Variants in POU3F2 observed in about 807,000 individuals in gnomAD.
POU3F2 encodes POU domain, class 3, transcription factor 2.
Under a neutral mutation model 33.1 loss-of-function variants are expected in POU3F2, and 11 were observed. The observed-to-expected ratio is 0.33, with a 90% confidence interval of 0.21 to 0.55. The LOEUF (loss-of-function observed/expected upper bound fraction) is 0.55, where lower values mean the gene tolerates loss of function less well. POU3F2 is among the 20% of genes least tolerant of loss of function. The pLI, the probability that POU3F2 is intolerant of heterozygous loss-of-function variation, is 0.91. For synonymous variants in POU3F2, 332 were observed against 289.6 expected (o/e 1.15, Z -1.49); for missense variants, 456 against 620.2 (o/e 0.74, Z 2.81).
Position 98,835,576 on chromosome 6 carries a change from C to G in POU3F2, c.703C>G (p.Pro235Ala), listed in dbSNP as rs749945303. ...ADHHPHPHSHPHQQPPPPPPP... is the reference protein window; with the variant it reads ...ADHHPHPHSHAHQQPPPPPPP... Reference sequence around the variant, plus strand: ...CCACCACCCGCACCCGCACTCGCACCCACACCAGCAGCCGCCGCCCCCGCC... The same window carrying G: ...CCACCACCCGCACCCGCACTCGCACGCACACCAGCAGCCGCCGCCCCCGCC... The change falls in exon 1 of 1, where the codon CCA becomes GCA. Residue 235 changes from proline to alanine, a missense_variant. Around this residue, in one of 6 missense-constraint regions of POU3F2, gnomAD observed 341 missense variants for 382.4 expected, o/e 0.89. Transcript: ENST00000328345. The surrounding 1 kb of genome is among the most constrained non-coding windows in gnomAD (Gnocchi z 9.7). The G allele has an allele frequency of 6.2e-6, 10 of 1,600,254 alleles. No homozygotes were observed. Among genetic ancestry groups the G allele is most frequent in the Middle Eastern group, 3.4e-4 (2 of 5,928 alleles).
In POU3F2 at chr6:98,836,445, G is replaced by C; in HGVS notation, c.*240G>C. 2.1e-6 allele frequency: 1 copy of C among 478,848 alleles called. No individual in the cohort carries two copies. The allele number at this position is 478,848 out of a possible 1,614,324, so 29.7% of individuals were successfully genotyped here. On this transcript the variant is annotated 3_prime_UTR_variant, in exon 1 of 1. Coordinates refer to ENST00000328345, the MANE Select transcript of POU3F2 (RefSeq NM_005604.4). The stretch of plus-strand genomic sequence containing the variant: ...TTGACCTTTGCAGGCGAGTAACCAG[G>C]CAATGGAGTGGAGTGTCTCCTGGAG...
At position 98,838,921 on chromosome 6, in the gene POU3F2, T is replaced by C. The variant is rs1038920422; in HGVS notation, c.*2716T>C. The C allele has an allele frequency of 5.3e-5, 8 of 152,248 alleles. No individual in the cohort carries two copies. Among genetic ancestry groups the C allele is most frequent in the African/African-American group, 1.9e-4 (8 of 41,450 alleles). 9.4% of individuals were successfully genotyped at this position (152,248 alleles called of 1,614,324 possible). A position where few individuals can be genotyped will look rare whatever the true frequency, so the allele number is the denominator to read the frequency against. ...TTGTGTGTAAAACACTTCCCTTCCT[T>C]TATACTTCATAAAGTTTTGGAATAA... On this transcript the variant is annotated 3_prime_UTR_variant, in exon 1 of 1. Transcript: ENST00000328345.
Position 98,835,257 on chromosome 6 carries a change from TCAG to T in POU3F2, c.393_395del (p.Gln149del), listed in dbSNP as rs1335270456. The T allele has an allele frequency of 6.5e-7, 1 of 1,542,210 alleles. No homozygotes were observed. Among genetic ancestry groups the T allele is most frequent in the East Asian group, 2.5e-5 (1 of 40,176 alleles). Reference sequence around the variant, plus strand: ...GGCCAGGCGCCCTGCAGCAGCAGCATCAGCAGCAGCAACAGCAACAGCAGCAGC... The same window carrying T: ...GGCCAGGCGCCCTGCAGCAGCAGCATCAGCAGCAACAGCAACAGCAGCAGC... On this transcript the variant is annotated inframe_deletion, in exon 1 of 1. Transcript: ENST00000328345. The surrounding 1 kb of genome is among the most constrained non-coding windows in gnomAD (Gnocchi z 9.7).
At position 98,838,172 on chromosome 6, in the gene POU3F2, C is replaced by T. The variant is rs1770026079; in HGVS notation, c.*1967C>T. 6.0e-6 allele frequency: 1 copy of T among 167,016 alleles called. No individual in the cohort carries two copies. Among genetic ancestry groups the T allele is most frequent in the Non-Finnish European group, 1.5e-5 (1 of 68,124 alleles). 10.3% of individuals were successfully genotyped at this position (167,016 alleles called of 1,614,324 possible). A position where few individuals can be genotyped will look rare whatever the true frequency, so the allele number is the denominator to read the frequency against. On this transcript the variant is annotated 3_prime_UTR_variant, in exon 1 of 1. Coordinates refer to ENST00000328345, the MANE Select transcript of POU3F2 (RefSeq NM_005604.4). ...TTTATTTGCCTGTATTTCATTTCCC[C>T]CAATGAATGTCACAAGGAGATGGGC...
chr6:98,834,603 G>T lies in POU3F2; in HGVS notation c.-271G>T. The T allele has an allele frequency of 2.0e-6, 1 of 488,792 alleles. No individual in the cohort carries two copies. Among genetic ancestry groups the T allele is most frequent in the Non-Finnish European group, 3.7e-6 (1 of 270,890 alleles). 30.3% of individuals were successfully genotyped at this position (488,792 alleles called of 1,614,324 possible). A position where few individuals can be genotyped will look rare whatever the true frequency, so the allele number is the denominator to read the frequency against. On this transcript the variant is annotated 5_prime_UTR_variant, in exon 1 of 1. Transcript: ENST00000328345. ...AGCTGGAGAGAGCAGGGAGAGGGGGGAGCGCCGAGCTAGTCAGAGAGTGAG... is the reference window on the plus strand; with the variant it reads ...AGCTGGAGAGAGCAGGGAGAGGGGGTAGCGCCGAGCTAGTCAGAGAGTGAG...
rs1393005344 is a variant in POU3F2, at chr6:98,836,485, G to A, written c.*280G>A. The A allele has an allele frequency of 8.8e-6, 3 of 341,276 alleles. No individual in the cohort carries two copies. Among genetic ancestry groups the A allele is most frequent in the Non-Finnish European group, 1.6e-5 (3 of 182,712 alleles). 21.1% of individuals were successfully genotyped at this position (341,276 alleles called of 1,614,324 possible). A position where few individuals can be genotyped will look rare whatever the true frequency, so the allele number is the denominator to read the frequency against. ...GTCTCCTGGAGAGAGTGAGGAGAGT[G>A]TGTGATAGCTAGAAAGAGAGAGAGA... is the stretch of plus-strand genomic sequence containing the variant. On this transcript the variant is annotated 3_prime_UTR_variant, in exon 1 of 1. Transcript: ENST00000328345.
Position 98,835,622 on chromosome 6 carries a change from G to T in POU3F2, c.749G>T (p.Gly250Val). ...PPPPPPQGPP[G>V]HPGAHHDPHS... The stretch of plus-strand genomic sequence containing the variant: ...CCGCCGCCCCCGCAGGGTCCGCCTG[G>T]CCACCCAGGCGCGCACCACGACCCG... The change falls in exon 1 of 1, where the codon GGC (glycine) becomes GTC (valine). Residue 250 changes from glycine to valine, a missense_variant. Around this residue, in one of 6 missense-constraint regions of POU3F2, gnomAD observed 341 missense variants for 382.4 expected, o/e 0.89. Coordinates refer to ENST00000328345, the MANE Select transcript of POU3F2 (RefSeq NM_005604.4). The surrounding 1 kb of genome is among the most constrained non-coding windows in gnomAD (Gnocchi z 9.7). 6.2e-7 allele frequency: 1 copy of T among 1,612,080 alleles called. No homozygotes were observed. The highest frequency in any genetic ancestry group is 8.5e-7 in the Non-Finnish European group (1 of 1,179,562).
chr6:98,835,241 C>T lies in POU3F2; in HGVS notation c.368C>T (p.Ala123Val), dbSNP rs1471287751. The T allele has an allele frequency of 6.5e-6, 10 of 1,539,464 alleles. No individual in the cohort carries two copies. Among genetic ancestry groups the T allele is most frequent in the Non-Finnish European group, 8.7e-6 (10 of 1,143,312 alleles). ...GGAGACGAGCTGCACGGGCCAGGCG[C>T]CCTGCAGCAGCAGCATCAGCAGCAG... is the stretch of plus-strand genomic sequence containing the variant. ...GRGDELHGPG[A>V]LQQQHQQQQQ... The change falls in exon 1 of 1, where the codon GCC becomes GTC. Residue 123 changes from alanine (A) to valine (V), a missense_variant. Physicochemically the swap from Ala to Val is moderately conservative, Grantham distance 64 (BLOSUM62 0). Transcript: ENST00000328345. This position sits in a 1 kb window ranked among gnomAD's most constrained non-coding sequence, Gnocchi z 9.7.
At position 98,835,704 on chromosome 6, in the gene POU3F2, C is replaced by G. The variant is rs779716327; in HGVS notation, c.831C>G (p.Phe277Leu). The change falls in exon 1 of 1, where the codon TTC (phenylalanine) becomes TTG (leucine). Residue 277 changes from phenylalanine to leucine, a missense_variant. Coordinates refer to ENST00000328345, the MANE Select transcript of POU3F2 (RefSeq NM_005604.4). This position sits in a 1 kb window ranked among gnomAD's most constrained non-coding sequence, Gnocchi z 9.7. ...SDDLEQFAKQ[F>L]KQRRIKLGFT... ...ACCTGGAGCAGTTCGCCAAGCAGTTCAAGCAGCGGCGGATCAAACTGGGAT... is the reference window on the plus strand; with the variant it reads ...ACCTGGAGCAGTTCGCCAAGCAGTTGAAGCAGCGGCGGATCAAACTGGGAT... The G allele has an allele frequency of 1.2e-6, 2 of 1,613,884 alleles. No individual in the cohort carries two copies. The highest frequency in any genetic ancestry group is 1.7e-5 in the Admixed American group (1 of 60,026).
rs1770010517 is a variant in POU3F2 at position 98,837,153 on chromosome 6, G to C, written c.*948G>C. Reference sequence around the variant, plus strand: ...CTTCATTTTCAGGCAGTGTTTCTGGGGGAGGTTATGGAGGGAAGAAAAAAG... The same window carrying C: ...CTTCATTTTCAGGCAGTGTTTCTGGCGGAGGTTATGGAGGGAAGAAAAAAG... On this transcript the variant is annotated 3_prime_UTR_variant, in exon 1 of 1. Transcript: ENST00000328345. The C allele has an allele frequency of 6.0e-6, 1 of 167,078 alleles. No homozygotes were observed. Among genetic ancestry groups the C allele is most frequent in the Admixed American group, 6.5e-5 (1 of 15,284 alleles). The allele number at this position is 167,078 out of a possible 1,614,324, so 10.3% of individuals were successfully genotyped here.
In POU3F2 at chr6:98,837,895, C is replaced by T. The variant is rs1168555072; in HGVS notation, c.*1690C>T. The T allele has an allele frequency of 1.2e-5, 2 of 166,506 alleles. No individual in the cohort carries two copies. The highest frequency in any genetic ancestry group is 6.5e-5 in the Admixed American group (1 of 15,274). 10.3% of individuals were successfully genotyped at this position (166,506 alleles called of 1,614,324 possible). A position where few individuals can be genotyped will look rare whatever the true frequency, so the allele number is the denominator to read the frequency against. ...TAAAAGAAAAATCAGCACAAAAGGG[C>T]GCTAAAAGGGAAAACACTTTTTATT... is the stretch of plus-strand genomic sequence containing the variant. On this transcript the variant is annotated 3_prime_UTR_variant, in exon 1 of 1. Transcript: ENST00000328345.
chr6:98,838,875 C>T lies in POU3F2; in HGVS notation c.*2670C>T, dbSNP rs775305397. ...AGTTTTAAGGGGGGAAAACCCTAGA[C>T]CTTAAATTGACTGAGTTGAGTTGTG... On this transcript the variant is annotated 3_prime_UTR_variant, in exon 1 of 1. Transcript: ENST00000328345. The T allele has an allele frequency of 9.2e-5, 14 of 152,512 alleles. No homozygotes were observed. The highest frequency in any genetic ancestry group is 1.8e-4 in the Non-Finnish European group (12 of 68,006). The allele number at this position is 152,512 out of a possible 1,614,324, so 9.4% of individuals were successfully genotyped here. A position where few individuals can be genotyped will look rare whatever the true frequency, so the allele number is the denominator to read the frequency against.
chr6:98,837,337 T>A lies in POU3F2; in HGVS notation c.*1132T>A, dbSNP rs530156320. 5.4e-5 allele frequency: 9 copies of A among 167,198 alleles called. No individual in the cohort carries two copies. The highest frequency in any genetic ancestry group is 1.3e-4 in the Admixed American group (2 of 15,304). The allele number at this position is 167,198 out of a possible 1,614,324, so 10.4% of individuals were successfully genotyped here. On this transcript the variant is annotated 3_prime_UTR_variant, in exon 1 of 1. Coordinates refer to ENST00000328345, the MANE Select transcript of POU3F2 (RefSeq NM_005604.4). ...CTAGGGAAGTACATATCTTCAGATATCCCTATATAGTTCTCTACCTTCAGT... is the reference window on the plus strand; with the variant it reads ...CTAGGGAAGTACATATCTTCAGATAACCCTATATAGTTCTCTACCTTCAGT...
At position 98,838,265 on chromosome 6, in the gene POU3F2, A is replaced by G. The variant is rs545778736; in HGVS notation, c.*2060A>G. 10 of 167,174 alleles carry G rather than the reference A, an allele frequency of 6.0e-5. No individual in the cohort carries two copies. The highest frequency in any genetic ancestry group is 2.4e-4 in the African/African-American group (10 of 41,556). 10.4% of individuals were successfully genotyped at this position (167,174 alleles called of 1,614,324 possible). Reference sequence around the variant, plus strand: ...ATGGGAACTGGCCTTTAGTGAAGCTATCCAGAGCAGGGCAAATAGCCACTG... The same window carrying G: ...ATGGGAACTGGCCTTTAGTGAAGCTGTCCAGAGCAGGGCAAATAGCCACTG... On this transcript the variant is annotated 3_prime_UTR_variant, in exon 1 of 1. Transcript: ENST00000328345.
At position 98,839,197 on chromosome 6, in the gene POU3F2, C is replaced by T. The variant is rs1482960456; in HGVS notation, c.*2992C>T. 3 of 152,044 alleles carry T rather than the reference C, an allele frequency of 2.0e-5. No homozygotes were observed. Among genetic ancestry groups the T allele is most frequent in the Non-Finnish European group, 4.4e-5 (3 of 68,022 alleles). 9.4% of individuals were successfully genotyped at this position (152,044 alleles called of 1,614,324 possible). A position where few individuals can be genotyped will look rare whatever the true frequency, so the allele number is the denominator to read the frequency against. On this transcript the variant is annotated 3_prime_UTR_variant, in exon 1 of 1. Coordinates refer to ENST00000328345, the MANE Select transcript of POU3F2 (RefSeq NM_005604.4). The stretch of plus-strand genomic sequence containing the variant: ...ATGCAGATATGCCTGCATCTTCTTT[C>T]CAGGTTAACTATACCTTATTCGATT...
Position 98,836,152 on chromosome 6 carries a change from G to C in POU3F2, c.1279G>C (p.Gly427Arg), listed in dbSNP as rs750643097. Residue 427 changes from glycine to arginine, a missense_variant, in exon 1 of 1, where the codon GGG becomes CGG. Physicochemically the swap from Gly to Arg is moderately radical, Grantham distance 125 (BLOSUM62 -2). Coordinates refer to ENST00000328345, the MANE Select transcript of POU3F2 (RefSeq NM_005604.4). ...GTLPGAEDVY[G>R]GSRDTPPHHG... ...TCTGCCGGGCGCCGAGGATGTGTAC[G>C]GGGGGAGTAGGGACACTCCACCACA... 5 of 1,602,308 alleles carry C rather than the reference G, an allele frequency of 3.1e-6. No homozygotes were observed. The highest frequency in any genetic ancestry group is 4.2e-6 in the Non-Finnish European group (5 of 1,177,218).
In POU3F2 at chr6:98,836,251, C is replaced by G; in HGVS notation, c.*46C>G. The stretch of plus-strand genomic sequence containing the variant: ...AGAGCGCGGGGCTCCCCCTCCCCTT[C>G]GGTCCTTGGCCCTTTCCCGGCCCTC... On this transcript the variant is annotated 3_prime_UTR_variant, in exon 1 of 1. Transcript: ENST00000328345. 4 of 1,531,938 alleles carry G rather than the reference C, an allele frequency of 2.6e-6. No individual in the cohort carries two copies. The highest frequency in any genetic ancestry group is 1.3e-5 in the South Asian group (1 of 77,674). 94.9% of individuals were successfully genotyped at this position (1,531,938 alleles called of 1,614,324 possible).
In POU3F2 at chr6:98,835,500, T is replaced by G. The variant is rs195860; in HGVS notation, c.627T>G (p.Gly209=). 1,348,155 of 1,563,314 alleles carry G rather than the reference T, an allele frequency of 0.86. 582,372 individuals carry two copies. The highest frequency in any genetic ancestry group is 0.96 in the East Asian group (39,445 of 41,040). ...TGGGCGCCGGCGGGCAGCCGGCCGG[T>G]CTGCACCACCACGGCCTGCGGGACG... is the stretch of plus-strand genomic sequence containing the variant. The part of the protein sequence containing the change: ...GMLGAGGQPA[G]LHHHGLRDAH... Residue 209 remains glycine (G), a synonymous_variant, in exon 1 of 1, where the codon GGT becomes GGG. Coordinates refer to ENST00000328345, the MANE Select transcript of POU3F2 (RefSeq NM_005604.4). This position sits in a 1 kb window ranked among gnomAD's most constrained non-coding sequence, Gnocchi z 9.7.
Position 98,835,039 on chromosome 6 carries a change from AGC to A in POU3F2, c.167_168del (p.Ser56ThrfsTer104). On this transcript the variant is annotated frameshift_variant, in exon 1 of 1. Transcript: ENST00000328345. LOFTEE classifies it high-confidence loss of function. The surrounding 1 kb of genome is among the most constrained non-coding windows in gnomAD (Gnocchi z 9.7). ...GALQSNGHPL[S>X]HAHQWITALS... ...TCTGCAGAGCAACGGACACCCGCTC[AGC>A]CACGCTCACCAGTGGATCACCGCGC... 1 of 1,511,892 alleles carries A rather than the reference AGC, an allele frequency of 6.6e-7. No homozygotes were observed. Among genetic ancestry groups the A allele is most frequent in the Non-Finnish European group, 8.8e-7 (1 of 1,136,030 alleles). 93.7% of individuals were successfully genotyped at this position (1,511,892 alleles called of 1,614,324 possible).
Sources: gnomAD v4.1 joint callset for allele counts on GRCh38, gnomAD v4.1.1 for gene constraint, gnomAD v4.1.1 regional missense constraint, Gnocchi (gnomAD v3.1) non-coding constraint, MANE v1.5 for transcripts, NCBI Gene and HGNC (gene_info 2026-07-23, HGNC 2026-07-21) for gene names.